Variants in ZFHX4 observed in about 807,000 individuals in gnomAD.
ZFHX4 encodes the protein zinc finger homeobox 4.
ZFHX4 carries 56 observed loss-of-function variants against 267.6 expected under a neutral mutation model. The observed-to-expected ratio is 0.21, with a 90% confidence interval of 0.17 to 0.26. The LOEUF is 0.26. Ranked by LOEUF, ZFHX4 falls within the 10% of genes least tolerant of loss-of-function variation. The probability of loss-of-function intolerance (pLI) is 1.00; values close to 1 mark genes in which losing one functional copy is unlikely to be tolerated. For synonymous variants in ZFHX4, 1,778 were observed against 1,665.6 expected (o/e 1.07, Z -1.64); for missense variants, 4,332 against 4,420.0 (o/e 0.98, Z 0.56).
At chr8:76,700,772 A>G (rs1184333923) in intron 1 of ZFHX4, among the ~76,000 whole-genome samples, 1 of 152,318 alleles carries the variant, frequency 6.6e-6, no homozygotes, top group Non-Finnish European at 1.5e-5. Context: ...CTCTGAATTT[A>G]GCATTAAAAC....
At chr8:76,799,855 C>T (rs1284341733) in intron 4 of ZFHX4, among the ~76,000 whole-genome samples, 1 of 152,148 alleles carries the variant, frequency 6.6e-6, no homozygotes, top group Non-Finnish European at 1.5e-5. Flanking sequence ...TCTGATTATA[C>T]ATACTGGCTG....
chr8:76,705,381 G>T lies in ZFHX4; in HGVS notation c.1293G>T (p.Glu431Asp), dbSNP rs369327944. 8 of 1,613,928 alleles carry T rather than the reference G, an allele frequency of 5.0e-6. No individual in the cohort carries two copies. The highest frequency in any genetic ancestry group is 1.6e-4 in the Middle Eastern group (1 of 6,062). The change falls in exon 2 of 11, where the codon GAG (glutamate) becomes GAT (aspartate). Residue 431 changes from glutamate to aspartate, a missense_variant. Around this residue, in one of 7 missense-constraint regions of ZFHX4, gnomAD observed 1,195 missense variants for 1,173.6 expected, o/e 1.02. Transcript: ENST00000651372. ...TCTCCCTCAGCCACTCATCGTCTGA[G>T]TCTAGCAAGATGTCAGAGAGCAAAG... ...TSVSLSHSSSESSKMSESKDQ... is the reference protein window; with the variant it reads ...TSVSLSHSSSDSSKMSESKDQ...
intron 4 of ZFHX4, among the ~76,000 whole-genome samples, chr8:76,820,292 AT>A (rs1397257920): frequency 6.6e-6 from 1 of 152,018 alleles, no homozygotes; most frequent in African/African-American, 2.4e-5. Context: ...TATTTTGCAC[AT>A]TTTTTTACTT....
At position 76,704,749 on chromosome 8, in the gene ZFHX4, G is replaced by A. The variant is rs779492595; in HGVS notation, c.661G>A (p.Gly221Ser). 6.2e-7 allele frequency: 1 copy of A among 1,613,950 alleles called. No homozygotes were observed. The part of the protein sequence containing the change: ...FPNTSALAGV[G>S]PVLHSFRVYD... ...AAATACCTCAGCATTAGCAGGAGTT[G>A]GTCCTGTGTTGCACAGTTTCCGTGT... is the stretch of plus-strand genomic sequence containing the variant. The change falls in exon 2 of 11, where the codon GGT becomes AGT. Residue 221 changes from glycine (G) to serine (S), a missense_variant. Physicochemically the swap from Gly to Ser is moderately conservative, Grantham distance 56 (BLOSUM62 0). Around this residue, in one of 7 missense-constraint regions of ZFHX4, gnomAD observed 1,195 missense variants for 1,173.6 expected, o/e 1.02. Coordinates refer to ENST00000651372, the MANE Select transcript of ZFHX4 (RefSeq NM_024721.5).
chr8:76,852,335 C>T lies in ZFHX4; in HGVS notation c.5414C>T (p.Ala1805Val). ...CAGCAACAAGCACAACAATACCAAG[C>T]CACACAGCCCCAGCTGCAGCCTCAA... is the stretch of plus-strand genomic sequence containing the variant. Reference protein sequence around the residue: ...ILQQQAQQYQATQPQLQPQKQ... With the variant: ...ILQQQAQQYQVTQPQLQPQKQ... Residue 1805 changes from alanine to valine, a missense_variant, in exon 10 of 11, where the codon GCC (alanine) becomes GTC (valine). Ala to Val is a moderately conservative substitution (Grantham distance 64, BLOSUM62 0). Transcript: ENST00000651372. 1 of 1,553,452 alleles carries T rather than the reference C, an allele frequency of 6.4e-7. No homozygotes were observed. Among genetic ancestry groups the T allele is most frequent in the Non-Finnish European group, 8.7e-7 (1 of 1,147,894 alleles).
chr8:76,813,591 A>T (rs1042956997), intron 4 of ZFHX4, among the ~76,000 whole-genome samples: 1 of 152,160 alleles, frequency 6.6e-6, no homozygotes, highest in Admixed American at 6.6e-5. Context: ...ACATTTTATG[A>T]AGTTGCTTTG....
chr8:76,817,058 C>T (rs1811525138), intron 4 of ZFHX4, among the ~76,000 whole-genome samples: 2 of 151,886 alleles, frequency 1.3e-5, no homozygotes, highest in Admixed American at 6.6e-5. Flanking sequence ...TTAGGAAACA[C>T]TTTAAAAAAA....
intron 3 of ZFHX4, among the ~76,000 whole-genome samples, chr8:76,767,044 G>GGTGTGTGTGTGT (rs34640815): frequency 1.4e-5 from 2 of 146,832 alleles, no homozygotes; most frequent in Non-Finnish European, 3.0e-5. Flanking sequence ...CTCATAAAGG[G>GGTGTGTGTGTGT]GTGTGTGTGT....
intron 3 of ZFHX4, among the ~76,000 whole-genome samples, chr8:76,761,488 C>A (rs941102861): frequency 2.6e-5 from 4 of 152,114 alleles, no homozygotes; most frequent in African/African-American, 9.7e-5. Flanking sequence ...TTATATTTTA[C>A]ATTTCTTTTC....
At chr8:76,738,275 T>G (rs1809218349) in intron 3 of ZFHX4, among the ~76,000 whole-genome samples, 1 of 152,144 alleles carries the variant, frequency 6.6e-6, no homozygotes, top group Admixed American at 6.6e-5. Flanking sequence ...CGTCTGATGG[T>G]GCTCACACAG....
intron 4 of ZFHX4, among the ~76,000 whole-genome samples, chr8:76,813,185 G>A (rs1287505875): frequency 6.6e-6 from 1 of 152,128 alleles, no homozygotes; most frequent in Non-Finnish European, 1.5e-5. Flanking sequence ...GGGAGGGGAA[G>A]AACTCTCTGT....
rs376949964 is a variant in ZFHX4, at chr8:76,706,550, A to G, written c.2462A>G (p.Tyr821Cys). 3 of 1,612,960 alleles carry G rather than the reference A, an allele frequency of 1.9e-6. No individual in the cohort carries two copies. Among genetic ancestry groups the G allele is most frequent in the South Asian group, 1.1e-5 (1 of 90,838 alleles). The change falls in exon 2 of 11, where the codon TAT becomes TGT. Residue 821 changes from tyrosine to cysteine, a missense_variant. Coordinates refer to ENST00000651372, the MANE Select transcript of ZFHX4 (RefSeq NM_024721.5). Reference sequence around the variant, plus strand: ...CTCGCCCCGGCGGAAGCAGAGCTTTATCAGTACTACCTAGCCCAGAACATA... The same window carrying G: ...CTCGCCCCGGCGGAAGCAGAGCTTTGTCAGTACTACCTAGCCCAGAACATA... ...LGLAPAEAEL[Y>C]QYYLAQNIGL... is the part of the protein sequence containing the mutation.
chr8:76,809,950 A>G (rs1435429975), intron 4 of ZFHX4, among the ~76,000 whole-genome samples: 1 of 152,194 alleles, frequency 6.6e-6, no homozygotes, highest in East Asian at 1.9e-4. Context: ...CAAAAATGCA[A>G]GTCCTATCAT....
intron 6 of ZFHX4, among the ~76,000 whole-genome samples, chr8:76,843,541 C>T (rs914773732): frequency 6.6e-6 from 1 of 152,154 alleles, no homozygotes; most frequent in African/African-American, 2.4e-5. Flanking sequence ...AAATATATGA[C>T]TTCATCCATG....
At chr8:76,779,954 T>G (rs1199828996) in intron 4 of ZFHX4, among the ~76,000 whole-genome samples, 22 of 152,096 alleles carry the variant, frequency 1.4e-4, no homozygotes, top group Non-Finnish European at 3.2e-4. Flanking sequence ...GATAAGAATA[T>G]TTTTGCTAAG....
chr8:76,823,870 G>C (rs984998822), intron 4 of ZFHX4, among the ~76,000 whole-genome samples: 1 of 152,162 alleles, frequency 6.6e-6, no homozygotes, highest in East Asian at 1.9e-4. Flanking sequence ...AATTGTAAAG[G>C]GTAGTTTATT....
rs761303149 is a variant in ZFHX4 at position 76,704,830 on chromosome 8, A to G, written c.742A>G (p.Lys248Glu). ...KDYLTSDGSA[K>E]NSCVSKDVPN... ...CTATCTAACCAGTGATGGCTCAGCCAAAAACTCCTGTGTGTCCAAAGATGT... is the reference window on the plus strand; with the variant it reads ...CTATCTAACCAGTGATGGCTCAGCCGAAAACTCCTGTGTGTCCAAAGATGT... Residue 248 changes from lysine (K) to glutamate (E), a missense_variant, in exon 2 of 11, where the codon AAA (lysine) becomes GAA (glutamate). This residue lies in a region of ZFHX4 where 1,195 missense variants were observed against 1,173.6 expected (regional missense o/e 1.02). Transcript: ENST00000651372. The G allele has an allele frequency of 1.2e-6, 2 of 1,614,024 alleles. No individual in the cohort carries two copies. Among genetic ancestry groups the G allele is most frequent in the Non-Finnish European group, 1.7e-6 (2 of 1,180,016 alleles).
At chr8:76,756,630 C>T (rs1236406246) in intron 3 of ZFHX4, among the ~76,000 whole-genome samples, 2 of 151,986 alleles carry the variant, frequency 1.3e-5, no homozygotes, top group African/African-American at 4.8e-5. Flanking sequence ...CAACTTTTCT[C>T]AATCATTTCG....
chr8:76,850,229 C>T lies in ZFHX4; in HGVS notation c.3847-16C>T, dbSNP rs1189933224. ...TTCTGGGGTACATTTAACATAAACC[C>T]CTTTGGTTTCCAAAGGTGCCTGTCC... On this transcript the variant is annotated splice_polypyrimidine_tract_variant and intron_variant, in intron 8 of 10. Transcript: ENST00000651372. The T allele has an allele frequency of 5.0e-6, 8 of 1,597,132 alleles. No individual in the cohort carries two copies. The highest frequency in any genetic ancestry group is 2.2e-5 in the East Asian group (1 of 44,496).
Sources: gnomAD v4.1 joint callset for allele counts (sites outside exome capture counted in the v4.1 genomes callset) on GRCh38, gnomAD v4.1.1 for gene constraint, gnomAD v4.1.1 regional missense constraint, MANE v1.5 for transcripts, NCBI Gene and HGNC (gene_info 2026-07-23, HGNC 2026-07-21) for gene names.